The following L3MBTL4 variants were observed in gnomAD, a reference collection of about 807,000 sequenced individuals.
L3MBTL4 encodes lethal(3)malignant brain tumor-like protein 4.
A neutral mutation model predicts 84.5 loss-of-function variants in L3MBTL4; 70 were observed. The observed-to-expected ratio is 0.83, with a 90% confidence interval of 0.68 to 1.01. L3MBTL4 has a LOEUF of 1.01. Ranked by LOEUF, L3MBTL4 falls within the 50% of genes least tolerant of loss-of-function variation. The probability of loss-of-function intolerance (pLI) is 0.00; values close to 1 mark genes in which losing one functional copy is unlikely to be tolerated. For synonymous variants in L3MBTL4, 274 were observed against 259.8 expected, an observed-to-expected ratio of 1.05 and a Z score of -0.52; for missense variants, 715 against 754.8, an observed-to-expected ratio of 0.95 and a Z score of 0.62.
In L3MBTL4 at chr18:6,078,477, G is replaced by A. The variant is rs116169107; in HGVS notation, c.1444+2404C>T. On this transcript the variant is annotated intron_variant, in intron 16 of 18. Coordinates refer to ENST00000317931, the MANE Select transcript of L3MBTL4 (RefSeq NM_001330559.2). The stretch of plus-strand genomic sequence containing the variant: ...AAAAGGGGAAAAAAAGGAAGGACAT[G>A]GGTACTGGATATTATGATCAGATTT... Among the ~76,000 whole-genome samples the A allele has an allele frequency of 5.6e-3, 832 of 149,534 alleles. 11 individuals carry two copies. Among genetic ancestry groups the A allele is most frequent in the African/African-American group, 0.019 (784 of 40,688 alleles).
At chr18:6,303,606 G>A (rs1285405691) in intron 3 of L3MBTL4, among the ~76,000 whole-genome samples, 3 of 151,876 alleles carry the variant, frequency 2.0e-5, no homozygotes, top group African/African-American at 7.3e-5. Context: ...TTAAGTTATG[G>A]CTAGTGTGGC....
At chr18:6,100,666 C>A (rs62079167) in intron 14 of L3MBTL4, among the ~76,000 whole-genome samples, 9,340 of 152,268 alleles carry the variant, frequency 0.061, 410 homozygotes, top group African/African-American at 0.13. Context: ...GGCACTTCCT[C>A]GTAGTTGCCA....
intron 16 of L3MBTL4, among the ~76,000 whole-genome samples, chr18:6,038,342 C>G (rs759003553): frequency 2.0e-5 from 3 of 150,482 alleles, no homozygotes; most frequent in Non-Finnish European, 4.4e-5. Context: ...CAAGCTCCGC[C>G]TCTCGGGTTC....
chr18:5,960,479 G>A (rs1247998303), intron 17 of L3MBTL4: 7 of 164,836 alleles, frequency 4.2e-5, no homozygotes, highest in East Asian at 1.6e-4. Context: ...CAGTGAGGGC[G>A]AGGCCAGTGG....
intron 5 of L3MBTL4, among the ~76,000 whole-genome samples, chr18:6,252,839 T>C (rs963211800): frequency 6.6e-6 from 1 of 152,250 alleles, no homozygotes; most frequent in African/African-American, 2.4e-5. Flanking sequence ...TAAAAAGGCT[T>C]TAAGTATCTG....
chr18:6,015,460 CTTGGAGTT>C (rs2054923848), intron 16 of L3MBTL4, among the ~76,000 whole-genome samples: 2 of 152,066 alleles, frequency 1.3e-5, no homozygotes, highest in Admixed American at 6.5e-5. Context: ...AAATGTGGAA[CTTGGAGTT>C]TTAGGTCCCA....
intron 12 of L3MBTL4, among the ~76,000 whole-genome samples, chr18:6,188,274 T>C (rs2044879829): frequency 6.6e-6 from 1 of 150,894 alleles, no homozygotes; most frequent in Admixed American, 6.6e-5. Context: ...TTTTTACAAG[T>C]ATAATTTAAT....
intron 14 of L3MBTL4, among the ~76,000 whole-genome samples, chr18:6,110,316 T>C (rs2059150619): frequency 6.6e-6 from 1 of 152,146 alleles, no homozygotes; most frequent in African/African-American, 2.4e-5. Context: ...CCTGGTCTGC[T>C]TTTGTATCTC....
At chr18:5,957,439 T>C (rs1406084108) in intron 18 of L3MBTL4, among the ~76,000 whole-genome samples, 1 of 152,058 alleles carries the variant, frequency 6.6e-6, no homozygotes, top group Non-Finnish European at 1.5e-5. Context: ...TCCCCGAGAC[T>C]CACAGGATGG....
intron 13 of L3MBTL4, among the ~76,000 whole-genome samples, chr18:6,147,170 T>A (rs1363115201): frequency 6.6e-6 from 1 of 152,126 alleles, no homozygotes; most frequent in Non-Finnish European, 1.5e-5. Context: ...AGTATCTTGG[T>A]TTTTTCCCTG....
intron 11 of L3MBTL4, among the ~76,000 whole-genome samples, chr18:6,214,401 CA>C (rs1405538919): frequency 6.6e-6 from 1 of 152,136 alleles, no homozygotes; most frequent in East Asian, 1.9e-4. Flanking sequence ...AAATCAAAAT[CA>C]AAAGCAACTC....
chr18:6,103,920 G>T (rs2058914133), intron 14 of L3MBTL4, among the ~76,000 whole-genome samples: 1 of 152,170 alleles, frequency 6.6e-6, no homozygotes, highest in South Asian at 2.1e-4. Flanking sequence ...TGGGCCGAGT[G>T]TTCCCAAACA....
At chr18:6,160,388 T>C (rs1056744646) in intron 13 of L3MBTL4, among the ~76,000 whole-genome samples, 4 of 152,150 alleles carry the variant, frequency 2.6e-5, no homozygotes, top group African/African-American at 9.7e-5. Flanking sequence ...GCCAAAACCT[T>C]GTTTAATCTC....
chr18:6,218,596 G>A (rs2046422175), intron 10 of L3MBTL4, among the ~76,000 whole-genome samples: 1 of 152,170 alleles, frequency 6.6e-6, no homozygotes, highest in African/African-American at 2.4e-5. Flanking sequence ...AAAAACAGGT[G>A]AAAATTAAAG....
chr18:6,243,529 A>G, intron 6 of L3MBTL4, 100 bp from the exon 7 acceptor site: 1 of 931,608 alleles, frequency 1.1e-6, no homozygotes, highest in East Asian at 2.8e-5. Flanking sequence ...TACTATCAAC[A>G]TATAAGAGCC....
chr18:5,974,971 GT>G (rs750189384), intron 16 of L3MBTL4, among the ~76,000 whole-genome samples: 162 of 142,302 alleles, frequency 1.1e-3, no homozygotes, highest in Middle Eastern at 7.2e-3. Flanking sequence ...CTATTGTTTT[GT>G]TTTTTTTTTT....
intron 4 of L3MBTL4, among the ~76,000 whole-genome samples, chr18:6,281,781 C>A (rs988309859): frequency 6.6e-6 from 1 of 152,094 alleles, no homozygotes; most frequent in Non-Finnish European, 1.5e-5. Flanking sequence ...ATGAAGACAA[C>A]TACAGGTAAA....
intron 13 of L3MBTL4, among the ~76,000 whole-genome samples, chr18:6,170,151 A>C (rs922758547): frequency 1.3e-5 from 2 of 152,154 alleles, no homozygotes; most frequent in Non-Finnish European, 2.9e-5. Flanking sequence ...GCAAGCTTTA[A>C]ACTGAGATTC....
chr18:6,342,974 A>G (rs55645017), intron 1 of L3MBTL4, among the ~76,000 whole-genome samples: 29,770 of 152,138 alleles, frequency 0.2, 3,675 homozygotes, highest in African/African-American at 0.35. Context: ...TAAGTAAAAA[A>G]TTGTCACAGA....
Sources: allele counts gnomAD v4.1 joint callset (sites outside exome capture counted in the v4.1 genomes callset), GRCh38; gene constraint gnomAD v4.1.1; transcripts MANE v1.5; gene names NCBI Gene and HGNC (gene_info 2026-07-23, HGNC 2026-07-21).